TOM1: variants seen among roughly 807,000 people sequenced by gnomAD.
TOM1 encodes target of Myb protein 1.
In TOM1, 38 loss-of-function variants were observed where a neutral mutation model predicts 61.3. The observed-to-expected ratio is 0.62, with a 90% confidence interval of 0.48 to 0.81. TOM1 has a LOEUF of 0.81. Ranked by LOEUF, TOM1 falls within the 40% of genes least tolerant of loss-of-function variation. The pLI, the probability that TOM1 is intolerant of heterozygous loss-of-function variation, is 0.00. For missense variants in TOM1, 591 were observed against 659.6 expected (o/e 0.90, Z 1.14); for synonymous variants, 270 against 268.8 (o/e 1.00, Z -0.04).
In TOM1 at chr22:35,334,380, T is replaced by C. The variant is rs1471498473; in HGVS notation, c.1080T>C (p.Gly360=). 1 of 1,614,140 alleles carries C rather than the reference T, an allele frequency of 6.2e-7. No individual in the cohort carries two copies. The highest frequency in any genetic ancestry group is 8.5e-7 in the Non-Finnish European group (1 of 1,180,006). ...RAGLQSLEAS[G]RLEDEFDMFA... Reference sequence around the variant, plus strand: ...GCCTGCAGTCTCTGGAGGCCTCTGGTCGACTGGAAGATGAGTTTGACATGT... The same window carrying C: ...GCCTGCAGTCTCTGGAGGCCTCTGGCCGACTGGAAGATGAGTTTGACATGT... Residue 360 remains glycine (G), a synonymous_variant, in exon 11 of 15, where the codon GGT becomes GGC. Transcript: ENST00000449058.
rs576703049 is a variant in TOM1, at chr22:35,313,406, G to A, written c.53-4471G>A. Reference sequence around the variant, plus strand: ...ATGGCCCCCATCTCTGATCCTGCCCGTGGTGTGGCGTGTCTTTGGTGACTA... The same window carrying A: ...ATGGCCCCCATCTCTGATCCTGCCCATGGTGTGGCGTGTCTTTGGTGACTA... On this transcript the variant is annotated intron_variant, in intron 1 of 14. Coordinates refer to ENST00000449058, the MANE Select transcript of TOM1 (RefSeq NM_005488.3). 4.6e-5 allele frequency among the ~76,000 whole-genome samples: 7 copies of A among 151,878 alleles called. No homozygotes were observed. The South Asian group carries it at 1.0e-3, about 23-fold the overall frequency.
At position 35,323,590 on chromosome 22, in the gene TOM1, C is replaced by T; in HGVS notation, c.461C>T (p.Thr154Ile). The T allele has an allele frequency of 6.2e-7, 1 of 1,614,138 alleles. No homozygotes were observed. The highest frequency in any genetic ancestry group is 8.5e-7 in the Non-Finnish European group (1 of 1,180,032). Reference sequence around the variant, plus strand: ...AGGAAAGGCCTGGAGTTCCCCATGACTGACCTGGACATGCTGTCACCCATC... The same window carrying T: ...AGGAAAGGCCTGGAGTTCCCCATGATTGACCTGGACATGCTGTCACCCATC... The part of the protein sequence containing the change: ...LRRKGLEFPM[T>I]DLDMLSPIHT... The change falls in exon 5 of 15, where the codon ACT becomes ATT. Residue 154 changes from threonine to isoleucine, a missense_variant. Physicochemically the swap from Thr to Ile is moderately conservative, Grantham distance 89. Coordinates refer to ENST00000449058, the MANE Select transcript of TOM1 (RefSeq NM_005488.3). This position sits in a 1 kb window ranked among gnomAD's most constrained non-coding sequence, Gnocchi z 4.2.
intron 12 of TOM1, among the ~76,000 whole-genome samples, chr22:35,342,796 C>T (rs1240528086): frequency 6.7e-6 from 1 of 149,952 alleles, no homozygotes; most frequent in Non-Finnish European, 1.5e-5. Flanking sequence ...CACACCTCCA[C>T]ACACACCTAC....
upstream of TOM1, chr22:35,299,687 C>T (rs906207111): frequency 8.6e-5 from 48 of 561,148 alleles, no homozygotes; most frequent in Non-Finnish European, 1.4e-4. Context: ...CGGGCCCCGA[C>T]CCCAGACCCT....
At chr22:35,304,605 A>G (rs1380587127) in intron 1 of TOM1, among the ~76,000 whole-genome samples, 4 of 152,024 alleles carry the variant, frequency 2.6e-5, no homozygotes, top group African/African-American at 9.7e-5. Context: ...CAGCCTCCCA[A>G]GTAGCTGGGA....
chr22:35,337,905 A>G (rs1239532194), intron 11 of TOM1, among the ~76,000 whole-genome samples: 1 of 152,188 alleles, frequency 6.6e-6, no homozygotes, highest in African/African-American at 2.4e-5. Flanking sequence ...GGTCCCCAAC[A>G]CCTGCCCTGG....
intron 1 of TOM1, among the ~76,000 whole-genome samples, chr22:35,300,324 C>G (rs180698298): frequency 6.6e-6 from 1 of 152,254 alleles, no homozygotes; most frequent in Admixed American, 6.5e-5. Flanking sequence ...GTGGCTGGGC[C>G]ACTCTGCTGG....
intron 1 of TOM1, among the ~76,000 whole-genome samples, chr22:35,316,572 A>T (rs1927299533): frequency 6.6e-6 from 1 of 152,234 alleles, no homozygotes; most frequent in African/African-American, 2.4e-5. Flanking sequence ...GCAGACCTGC[A>T]GCCAGTGGTC....
At chr22:35,339,842 T>G (rs1216588697) in intron 12 of TOM1, among the ~76,000 whole-genome samples, 1 of 149,882 alleles carries the variant, frequency 6.7e-6, no homozygotes, top group African/African-American at 2.5e-5. Context: ...AGGCGGAGCT[T>G]GCAGTGAGCC....
At chr22:35,342,378 C>A (rs1201841147) in intron 12 of TOM1, among the ~76,000 whole-genome samples, 1 of 151,974 alleles carries the variant, frequency 6.6e-6, no homozygotes, top group African/African-American at 2.4e-5. Context: ...GCAGGACTCT[C>A]GTCTCCCTCC....
At chr22:35,345,563 C>T (rs1426820781) in intron 12 of TOM1, 162 bp from the exon 13 acceptor site, 3 of 683,326 alleles carry the variant, frequency 4.4e-6, no homozygotes, top group African/African-American at 3.5e-5. Context: ...ACCTCCATCA[C>T]CCACAGCCTG....
intron 3 of TOM1, 59 bp downstream of exon 3, chr22:35,322,096 C>T (rs984047992): frequency 2.2e-5 from 33 of 1,520,340 alleles, no homozygotes; most frequent in African/African-American, 1.8e-4. Flanking sequence ...AGTCACCTCC[C>T]CTCAGACCCA....
rs117763819 is a variant in TOM1, at chr22:35,347,097, G to A, written c.1367G>A (p.Arg456Gln). ...FLEERAKAAD[R>Q]LPNLSSPSAE... is the part of the protein sequence containing the mutation. ...GAAGAACGGGCCAAAGCCGCGGACC[G>A]ATTGCCCAACCTCTCCAGCCCCTCA... The change falls in exon 15 of 15, where the codon CGA becomes CAA. Residue 456 changes from arginine (R) to glutamine (Q), a missense_variant. Physicochemically the swap from Arg to Gln is conservative, Grantham distance 43 (BLOSUM62 1). Transcript: ENST00000449058. 924 of 1,612,564 alleles carry A rather than the reference G, an allele frequency of 5.7e-4. 1 individual carries two copies. Among genetic ancestry groups the A allele is most frequent in the Admixed American group, 1.2e-3 (73 of 59,938 alleles).
intron 1 of TOM1, among the ~76,000 whole-genome samples, chr22:35,307,052 C>T (rs1303037508): frequency 2.6e-5 from 4 of 152,058 alleles, no homozygotes; most frequent in Admixed American, 1.3e-4. Context: ...AACCCAAACC[C>T]TCAGTGTCTC....
chr22:35,301,702 T>C (rs74846012), intron 1 of TOM1, among the ~76,000 whole-genome samples: 135 of 151,838 alleles, frequency 8.9e-4, no homozygotes, highest in African/African-American at 3.1e-3. Context: ...TCTTCCGAGG[T>C]TTTGTAATCA....
chr22:35,329,350 A>G (rs996619225), intron 7 of TOM1, among the ~76,000 whole-genome samples: 1 of 152,260 alleles, frequency 6.6e-6, no homozygotes, highest in Non-Finnish European at 1.5e-5. Flanking sequence ...TAGAACAAAC[A>G]AAGGACATTA....
chr22:35,327,485 T>A (rs1928439630), intron 7 of TOM1, 98 bp downstream of exon 7: 1 of 834,650 alleles, frequency 1.2e-6, no homozygotes, highest in Non-Finnish European at 1.9e-6. Context: ...CATGGCTTAC[T>A]CCATACTCCT....
intron 6 of TOM1, 132 bp downstream of exon 6, chr22:35,324,046 G>C: frequency 2.6e-6 from 3 of 1,143,126 alleles, no homozygotes; most frequent in Non-Finnish European, 3.6e-6. Flanking sequence ...GGGTATGTGT[G>C]GTTCTTCCTG....
In TOM1 at chr22:35,333,513, A is replaced by T; in HGVS notation, c.1027+16A>T. 1 of 1,613,160 alleles carries T rather than the reference A, an allele frequency of 6.2e-7. No individual in the cohort carries two copies. Among genetic ancestry groups the T allele is most frequent in the Admixed American group, 1.7e-5 (1 of 60,016 alleles). On this transcript the variant is annotated intron_variant, in intron 10 of 14. Coordinates refer to ENST00000449058, the MANE Select transcript of TOM1 (RefSeq NM_005488.3). Reference sequence around the variant, plus strand: ...GCAGGAATGAGTAAGTGTGGTTTGGAGGGCTCCAGCTGAGGGTACATTATG... The same window carrying T: ...GCAGGAATGAGTAAGTGTGGTTTGGTGGGCTCCAGCTGAGGGTACATTATG...
Sources: allele counts gnomAD v4.1 joint callset (sites outside exome capture counted in the v4.1 genomes callset), GRCh38; gene constraint gnomAD v4.1.1; non-coding constraint Gnocchi (gnomAD v3.1); transcripts MANE v1.5; gene names NCBI Gene and HGNC (gene_info 2026-07-23, HGNC 2026-07-21).